SI: variants seen among roughly 807,000 people sequenced by gnomAD.
SI encodes the protein sucrase-isomaltase, intestinal.
In SI, 235 loss-of-function variants were observed where a neutral mutation model predicts 253.3. The ratio of observed to expected loss-of-function variants is 0.93; its 90% CI spans 0.83 to 1.03. SI has a LOEUF of 1.03. Ranked by LOEUF, SI falls within the 50% of genes least tolerant of loss-of-function variation. The pLI is 0.00. For missense variants in SI, 2,442 were observed against 2,211.1 expected (o/e 1.10, Z -2.09); for synonymous variants, 819 against 712.0 (o/e 1.15, Z -2.39).
In SI at chr3:165,046,893, A is replaced by T; in HGVS notation, c.1835T>A (p.Met612Lys). Residue 612 changes from methionine to lysine, a missense_variant, in exon 16 of 48, where the codon ATG becomes AAG. Coordinates refer to ENST00000264382, the MANE Select transcript of SI (RefSeq NM_001041.4). ...CAGCATTCCAGTTATAGACCATTCC[A>T]TTTGTTCCCATGAAGCAGTATTGTC... is the stretch of plus-strand genomic sequence containing the variant. ...LGDNTASWEQ[M>K]EWSITGMLEF... is the part of the protein sequence containing the mutation. 1 of 1,613,292 alleles carries T rather than the reference A, an allele frequency of 6.2e-7. No individual in the cohort carries two copies. The highest frequency in any genetic ancestry group is 8.5e-7 in the Non-Finnish European group (1 of 1,179,556).
chr3:165,054,184 A>C (rs2108240398), intron 13 of SI, among the ~76,000 whole-genome samples: 1 of 152,276 alleles, frequency 6.6e-6, no homozygotes, highest in South Asian at 2.1e-4. Flanking sequence ...TTGAATCAAT[A>C]ATGAGCACTT....
At chr3:165,065,140 A>G in intron 7 of SI, 121 bp downstream of exon 7, 1 of 667,658 alleles carries the variant, frequency 1.5e-6, no homozygotes, top group Non-Finnish European at 2.6e-6. Flanking sequence ...CTATATTGGT[A>G]TCAGTGACAT....
Position 164,996,782 on chromosome 3 carries a change from T to A in SI, c.4541-10A>T, listed in dbSNP as rs1559981916. 3.0e-6 allele frequency: 3 copies of A among 989,116 alleles called. No individual in the cohort carries two copies. The Admixed American group carries it at 6.1e-5, about 20-fold the overall frequency. The allele number at this position is 989,116 out of a possible 1,614,324, so 61.3% of individuals were successfully genotyped here. ...CTAAATTCCATCATACCTGAAAAAG[T>A]TAGAAAAAATATCTTAGAAAGTTAT... On this transcript the variant is annotated splice_polypyrimidine_tract_variant and intron_variant, in intron 38 of 47. Transcript: ENST00000264382.
At chr3:164,999,950 A>G (rs982603595) in intron 37 of SI, among the ~76,000 whole-genome samples, 13 of 151,580 alleles carry the variant, frequency 8.6e-5, no homozygotes, top group Non-Finnish European at 1.8e-4. Context: ...TTATTTTTTC[A>G]TAACAAATAT....
chr3:165,022,183 C>T (rs1054938681), intron 26 of SI, among the ~76,000 whole-genome samples: 5 of 151,450 alleles, frequency 3.3e-5, no homozygotes, highest in Non-Finnish European at 7.4e-5. Flanking sequence ...TATGTCACAT[C>T]TTTATCAGAT....
chr3:165,016,187 C>T, intron 31 of SI, 107 bp from the exon 32 acceptor site: 1 of 936,354 alleles, frequency 1.1e-6, no homozygotes. Flanking sequence ...GTTTGAGTTC[C>T]TCTTCACTAG....
In SI at chr3:165,055,212, T is replaced by C; in HGVS notation, c.1494A>G (p.Gln498=). 6.2e-7 allele frequency: 1 copy of C among 1,604,878 alleles called. No individual in the cohort carries two copies. Among genetic ancestry groups the C allele is most frequent in the South Asian group, 1.1e-5 (1 of 90,908 alleles). The stretch of plus-strand genomic sequence containing the variant: ...TACTTACAATCCAAAGTCCATCATA[T>C]TGCACTTCTTGATGGAAAATACTGC... ...NECSIFHQEV[Q]YDGLWIDMNE... is the part of the protein sequence containing the mutation. Residue 498 remains glutamine, a synonymous_variant, in exon 13 of 48, where the codon CAA becomes CAG. Coordinates refer to ENST00000264382, the MANE Select transcript of SI (RefSeq NM_001041.4).
chr3:165,069,719 A>T (rs1461997045), intron 3 of SI, among the ~76,000 whole-genome samples: 2 of 152,038 alleles, frequency 1.3e-5, no homozygotes, highest in East Asian at 3.9e-4. Context: ...TAGTTGCTGC[A>T]ATAGCATTCA....
chr3:165,057,116 A>G (rs781163320), intron 12 of SI, among the ~76,000 whole-genome samples: 56 of 151,918 alleles, frequency 3.7e-4, no homozygotes, highest in Admixed American at 2.2e-3. Flanking sequence ...TTAGGGTTCT[A>G]TCAGATAAAT....
At chr3:165,073,200 C>A (rs1416364747) in intron 3 of SI, among the ~76,000 whole-genome samples, 8 of 140,688 alleles carry the variant, frequency 5.7e-5, no homozygotes, top group African/African-American at 2.0e-4. Context: ...CTCTCTCTCT[C>A]TCTCTCTCTC....
chr3:165,087,159 A>AT, the SI span, among the ~76,000 whole-genome samples: 5 of 151,708 alleles, frequency 3.3e-5, no homozygotes, highest in Admixed American at 6.6e-5. Flanking sequence ...AAACAAACAA[A>AT]AAACTGTCTT....
At position 165,016,025 on chromosome 3, in the gene SI, C is replaced by T. The variant is rs776026573; in HGVS notation, c.3815G>A (p.Gly1272Asp). ...YMERQLDFTI[G>D]EAFQDLPQFV... ...CTGAGGAAGGTCCTGGAATGCTTCA[C>T]CAATTGTAAAGTCTAGCTGCCTTTC... The change falls in exon 32 of 48, where the codon GGT becomes GAT. Residue 1272 changes from glycine (G) to aspartate (D), a missense_variant. Gly to Asp is a moderately conservative substitution (Grantham distance 94, BLOSUM62 -1). Transcript: ENST00000264382. 11 of 1,612,220 alleles carry T rather than the reference C, an allele frequency of 6.8e-6. No individual in the cohort carries two copies. The African/African-American group carries it at 1.2e-4, about 18-fold the overall frequency.
At chr3:165,029,448 A>C (rs1427638901) in intron 25 of SI, among the ~76,000 whole-genome samples, 1 of 150,252 alleles carries the variant, frequency 6.7e-6, no homozygotes, top group Non-Finnish European at 1.5e-5. Flanking sequence ...CCAGAGAAAA[A>C]GAAGTAATTA....
At chr3:165,054,080 A>G (rs1713567825) in intron 13 of SI, among the ~76,000 whole-genome samples, 1 of 152,100 alleles carries the variant, frequency 6.6e-6, no homozygotes, top group Non-Finnish European at 1.5e-5. Flanking sequence ...TTGTATTCCC[A>G]ACAACATGTC....
intron 44 of SI, among the ~76,000 whole-genome samples, chr3:164,989,082 T>C (rs1185831305): frequency 4.8e-5 from 7 of 145,120 alleles, no homozygotes; most frequent in Non-Finnish European, 1.0e-4. Flanking sequence ...ACTTAAAGTA[T>C]AATAATAATA....
chr3:165,018,069 G>A lies in SI; in HGVS notation c.3424-3C>T, dbSNP rs1719129119. 1 of 1,528,970 alleles carries A rather than the reference G, an allele frequency of 6.5e-7. No individual in the cohort carries two copies. Among genetic ancestry groups the A allele is most frequent in the African/African-American group, 1.4e-5 (1 of 73,148 alleles). The allele number at this position is 1,528,970 out of a possible 1,614,324, so 94.7% of individuals were successfully genotyped here. ...AATCCATAGGAATTAAGTTTGTACTGAAATACGAAAAATAAGCACAATATA... is the reference window on the plus strand; with the variant it reads ...AATCCATAGGAATTAAGTTTGTACTAAAATACGAAAAATAAGCACAATATA... On this transcript the variant is annotated splice_polypyrimidine_tract_variant and splice_region_variant and intron_variant, in intron 28 of 47. Transcript: ENST00000264382.
intron 46 of SI, among the ~76,000 whole-genome samples, chr3:164,982,683 G>T (rs1371516656): frequency 6.6e-6 from 1 of 152,076 alleles, no homozygotes; most frequent in Non-Finnish European, 1.5e-5. Context: ...GAGAAGGGGA[G>T]GTGAATCCAT....
At chr3:164,992,496 T>A in intron 41 of SI, 99 bp from the exon 42 acceptor site, 1 of 824,528 alleles carries the variant, frequency 1.2e-6, no homozygotes, top group Non-Finnish European at 1.9e-6. Context: ...TATGGACTTT[T>A]GTGGATTAAA....
At chr3:164,991,701 T>C (rs1717743359) in intron 43 of SI, among the ~76,000 whole-genome samples, 1 of 152,162 alleles carries the variant, frequency 6.6e-6, no homozygotes, top group African/African-American at 2.4e-5. Flanking sequence ...TGGTGAAATT[T>C]ACTTTTTAAA....
Sources: allele counts gnomAD v4.1 joint callset (sites outside exome capture counted in the v4.1 genomes callset), GRCh38; gene constraint gnomAD v4.1.1; transcripts MANE v1.5; gene names NCBI Gene and HGNC (gene_info 2026-07-23, HGNC 2026-07-21).